The following ERC1 variants were observed in gnomAD, a reference collection of about 807,000 sequenced individuals.
The protein encoded by ERC1 is RAB6 interacting protein 2.
In ERC1, 56 loss-of-function variants were observed where a neutral mutation model predicts 132.0. The observed-to-expected ratio is 0.42, with a 90% CI of 0.34 to 0.53. The LOEUF (loss-of-function observed/expected upper bound fraction) is 0.53, where lower values mean the gene tolerates loss of function less well. Ranked by LOEUF, ERC1 falls within the 20% of genes least tolerant of loss-of-function variation. The pLI, the probability that ERC1 is intolerant of heterozygous loss-of-function variation, is 0.03. For missense variants in ERC1, 1,202 were observed against 1,349.9 expected, an observed-to-expected ratio of 0.89 and a Z score of 1.72; for synonymous variants, 478 against 476.1, an observed-to-expected ratio of 1.00 and a Z score of -0.05.
chr12:1,274,308 C>T (rs1033204892), intron 14 of ERC1, among the ~76,000 whole-genome samples: 4 of 151,986 alleles, frequency 2.6e-5, no homozygotes, highest in Non-Finnish European at 4.4e-5. Context: ...GGTCCTTTTC[C>T]TCATGGAGCT....
chr12:1,139,570 G>A (rs1220210984), intron 7 of ERC1, among the ~76,000 whole-genome samples: 1 of 152,174 alleles, frequency 6.6e-6, no homozygotes, highest in Non-Finnish European at 1.5e-5. Flanking sequence ...GGCATCCACT[G>A]GGGGTCTTGG....
At chr12:1,057,099 C>A (rs1310566049) in intron 2 of ERC1, among the ~76,000 whole-genome samples, 1 of 152,062 alleles carries the variant, frequency 6.6e-6, no homozygotes, top group Non-Finnish European at 1.5e-5. Flanking sequence ...GCAGAAATAC[C>A]ATGGATCATA....
rs1256652196 is a variant in ERC1 at position 1,127,281 on chromosome 12, GGT to G, written c.1569+11249_1569+11250del. Among the ~76,000 whole-genome samples, 6 of 152,054 alleles carry G rather than the reference GGT, an allele frequency of 3.9e-5. No individual in the cohort carries two copies. In the East Asian group the frequency reaches 9.6e-4, roughly 24 times the overall value. ...GGTGGTTTCAGTAATCCCATTCCTT[GGT>G]ATATTTCCCAGAAAAACTTTCCTGC... On this transcript the variant is annotated intron_variant, in intron 7 of 18. Coordinates refer to ENST00000360905, the MANE Select transcript of ERC1 (RefSeq NM_178040.4).
chr12:1,466,874 C>T (rs1039883603), intron 18 of ERC1, among the ~76,000 whole-genome samples: 1 of 152,210 alleles, frequency 6.6e-6, no homozygotes, highest in Non-Finnish European at 1.5e-5. Context: ...TTCTTCTACA[C>T]TGTATAAATG....
chr12:1,264,119 G>A (rs1183877234), intron 14 of ERC1, among the ~76,000 whole-genome samples: 2 of 152,230 alleles, frequency 1.3e-5, no homozygotes, highest in Admixed American at 1.3e-4. Context: ...TTAACAGTGA[G>A]TATGAAGGAC....
At chr12:1,233,451 A>G (rs906787117) in intron 12 of ERC1, among the ~76,000 whole-genome samples, 2 of 147,756 alleles carry the variant, frequency 1.4e-5, no homozygotes, top group African/African-American at 5.1e-5. Context: ...AGCCTGGGCA[A>G]CAGAGTGAGA....
chr12:1,100,399 G>A (rs549800320), intron 3 of ERC1, among the ~76,000 whole-genome samples: 1 of 152,288 alleles, frequency 6.6e-6, no homozygotes, highest in East Asian at 1.9e-4. Context: ...TGAGTAAAAC[G>A]AGAAGCTTTT....
chr12:1,401,177 G>T (rs376944077), intron 16 of ERC1, among the ~76,000 whole-genome samples: 3 of 151,696 alleles, frequency 2.0e-5, no homozygotes, highest in African/African-American at 7.3e-5. Context: ...CTTGTGATCC[G>T]CCCGTCTCAG....
At chr12:1,140,759 A>G (rs1949787430) in intron 7 of ERC1, among the ~76,000 whole-genome samples, 1 of 152,174 alleles carries the variant, frequency 6.6e-6, no homozygotes, top group African/African-American at 2.4e-5. Flanking sequence ...AGTACTTGCA[A>G]TGTGGCTAGC....
At chr12:1,285,325 C>T (rs1006591086) in intron 14 of ERC1, among the ~76,000 whole-genome samples, 1 of 151,962 alleles carries the variant, frequency 6.6e-6, no homozygotes, top group Non-Finnish European at 1.5e-5. Flanking sequence ...CAAGGCAGCC[C>T]AAGATAGTCA....
Position 1,440,603 on chromosome 12 carries a change from TG to T in ERC1, c.3025-3958del, listed in dbSNP as rs2093115513. Among the ~76,000 whole-genome samples the T allele has an allele frequency of 1.3e-3, 19 of 15,094 alleles. 1 individual carries two copies. Among genetic ancestry groups the T allele is most frequent in the African/African-American group, 2.6e-3 (17 of 6,614 alleles). 9.9% of individuals were successfully genotyped at this position (15,094 alleles called of 152,430 possible). On this transcript the variant is annotated intron_variant, in intron 17 of 18. Coordinates refer to ENST00000360905, the MANE Select transcript of ERC1 (RefSeq NM_178040.4). ...GCAATCCCCCTGCCTCAGCCTTTTG[TG>T]TGTGTGTGTGTGTGTGTGTGTGTGT... is the stretch of plus-strand genomic sequence containing the variant.
chr12:1,375,010 G>T (rs772291052), intron 16 of ERC1, among the ~76,000 whole-genome samples: 1 of 152,100 alleles, frequency 6.6e-6, no homozygotes, highest in African/African-American at 2.4e-5. Flanking sequence ...TTTTGTAGGC[G>T]TGAGGGATAC....
At chr12:1,119,873 C>T (rs1946885490) in intron 7 of ERC1, among the ~76,000 whole-genome samples, 1 of 152,074 alleles carries the variant, frequency 6.6e-6, no homozygotes, top group Non-Finnish European at 1.5e-5. Flanking sequence ...CTTCTTTAAG[C>T]CTCCATTTCC....
chr12:1,314,981 T>G (rs2081584365), intron 15 of ERC1, among the ~76,000 whole-genome samples: 1 of 152,226 alleles, frequency 6.6e-6, no homozygotes, highest in Non-Finnish European at 1.5e-5. Context: ...AATGGTCTAA[T>G]GCCATAAAGA....
chr12:1,417,649 C>T (rs1716325150), intron 17 of ERC1, among the ~76,000 whole-genome samples: 2 of 151,864 alleles, frequency 1.3e-5, no homozygotes, highest in Admixed American at 6.6e-5. Context: ...GGTGTGGTGG[C>T]GCGTGCCTGT....
At chr12:1,345,184 C>CTTATTTTTTTTTT (rs1459899471) in intron 15 of ERC1, among the ~76,000 whole-genome samples, 3 of 99,622 alleles carry the variant, frequency 3.0e-5, no homozygotes, top group African/African-American at 8.9e-5. Flanking sequence ...TAGAATATTT[C>CTTATTTTTTTTTT]TTCTTTTTTT....
intron 15 of ERC1, among the ~76,000 whole-genome samples, chr12:1,296,813 C>T (rs1018633870): frequency 6.6e-6 from 1 of 152,106 alleles, no homozygotes; most frequent in African/African-American, 2.4e-5. Context: ...AGGATTTTTA[C>T]CGAATGAACA....
chr12:1,484,638 C>T (rs528950506), intron 18 of ERC1, among the ~76,000 whole-genome samples: 11 of 147,148 alleles, frequency 7.5e-5, no homozygotes, highest in African/African-American at 2.3e-4. Context: ...AGTGCAGTGG[C>T]GTGATCTCGG....
chr12:1,425,329 A>G (rs990397922), intron 17 of ERC1, among the ~76,000 whole-genome samples: 4 of 152,220 alleles, frequency 2.6e-5, no homozygotes, highest in Non-Finnish European at 5.9e-5. Context: ...TTCCTGTTAG[A>G]GTGGATGGTG....
Sources: allele counts gnomAD v4.1 joint callset (sites outside exome capture counted in the v4.1 genomes callset), GRCh38; gene constraint gnomAD v4.1.1; transcripts MANE v1.5; gene names NCBI Gene and HGNC (gene_info 2026-07-23, HGNC 2026-07-21).